SHANK1: variants seen among roughly 807,000 people sequenced by gnomAD.
The protein encoded by SHANK1 is SH3 and multiple ankyrin repeat domains 1.
In SHANK1, 35 loss-of-function variants were observed where a neutral mutation model predicts 165.6. The ratio of observed to expected loss-of-function variants is 0.21; its 90% CI spans 0.16 to 0.28. The LOEUF is 0.28. Among genes scored for constraint, SHANK1 ranks in the 10% least tolerant of loss-of-function variants. SHANK1 has a pLI of 1.00. For synonymous variants in SHANK1, 1,428 were observed against 1,384.8 expected (o/e 1.03, Z -0.69); for missense variants, 2,681 against 3,036.4 (o/e 0.88, Z 2.75).
Position 50,667,946 on chromosome 19 carries a change from C to T in SHANK1, c.4014G>A (p.Leu1338=). 7.2e-7 allele frequency: 1 copy of T among 1,391,480 alleles called. No homozygotes were observed. Among genetic ancestry groups the T allele is most frequent in the African/African-American group, 1.5e-5 (1 of 66,072 alleles). The allele number at this position is 1,391,480 out of a possible 1,614,324, so 86.2% of individuals were successfully genotyped here. A position where few individuals can be genotyped will look rare whatever the true frequency, so the allele number is the denominator to read the frequency against. ...AFTSFLPPRP[L]VHPLTGKALD... ...GGGCCTTGCCGGTCAGCGGGTGCACCAGGGGTCGCGGGGGCAGGAAGCTGG... is the reference window on the plus strand; with the variant it reads ...GGGCCTTGCCGGTCAGCGGGTGCACTAGGGGTCGCGGGGGCAGGAAGCTGG... The change falls in exon 23 of 24, where the codon CTG becomes CTA. Residue 1338 remains leucine, a synonymous_variant. Coordinates refer to ENST00000293441, the MANE Select transcript of SHANK1 (RefSeq NM_016148.5). This position sits in a 1 kb window ranked among gnomAD's most constrained non-coding sequence, Gnocchi z 5.7.
rs370586725 is a variant in SHANK1 at position 50,697,795 on chromosome 19, C to T, written c.1861+48G>A. 4.9e-5 allele frequency: 76 copies of T among 1,544,138 alleles called. No individual in the cohort carries two copies. Among genetic ancestry groups the T allele is most frequent in the East Asian group, 1.6e-4 (7 of 44,470 alleles). ...CCCATTAGGAAGGGAAAGGAGTGGACGTGGGAATCCTAGGGTCCATTGAAC... is the reference window on the plus strand; with the variant it reads ...CCCATTAGGAAGGGAAAGGAGTGGATGTGGGAATCCTAGGGTCCATTGAAC... On this transcript the variant is annotated intron_variant, in intron 13 of 23. Coordinates refer to ENST00000293441, the MANE Select transcript of SHANK1 (RefSeq NM_016148.5). The surrounding 1 kb of genome is among the most constrained non-coding windows in gnomAD (Gnocchi z 4.7).
rs377428098 is a variant in SHANK1, at chr19:50,697,127, C to T, written c.1938-5G>A. ...GGGCCAATCCCATCCATTAAGCTTC[C>T]GAAGCAAGTCAGCCAGCAGCCAGGG... On this transcript the variant is annotated splice_polypyrimidine_tract_variant and splice_region_variant and intron_variant, in intron 14 of 23. Transcript: ENST00000293441. This position sits in a 1 kb window ranked among gnomAD's most constrained non-coding sequence, Gnocchi z 4.7. 1.5e-5 allele frequency: 25 copies of T among 1,613,452 alleles called. No individual in the cohort carries two copies. The highest frequency in any genetic ancestry group is 2.7e-5 in the African/African-American group (2 of 74,712).
At position 50,666,180 on chromosome 19, in the gene SHANK1, G is replaced by GC; in HGVS notation, c.5768+11dup. 1 of 1,567,412 alleles carries GC rather than the reference G, an allele frequency of 6.4e-7. No homozygotes were observed. The highest frequency in any genetic ancestry group is 1.2e-5 in the South Asian group (1 of 84,786). On this transcript the variant is annotated intron_variant, in intron 23 of 23. Transcript: ENST00000293441. The stretch of plus-strand genomic sequence containing the variant: ...CTCTGGCCTCCCTTGTTGGCCACCA[G>GC]CCCCCGCTTACCTCTGCCGCTGCAG...
chr19:50,682,792 A>G (rs956527043), intron 21 of SHANK1, among the ~76,000 whole-genome samples: 1 of 152,208 alleles, frequency 6.6e-6, no homozygotes, highest in Non-Finnish European at 1.5e-5. Flanking sequence ...ACTTAGGATA[A>G]TCCTGGGGCT....
chr19:50,704,042 TC>T, intron 10 of SHANK1, 77 bp downstream of exon 10: 2 of 1,436,698 alleles, frequency 1.4e-6, no homozygotes, highest in Non-Finnish European at 9.8e-7. Flanking sequence ...CCAAGTCAGG[TC>T]CCCCAACTCC....
Position 50,666,767 on chromosome 19 carries a change from G to A in SHANK1, c.5193C>T (p.Tyr1731=), listed in dbSNP as rs1257074468. The change falls in exon 23 of 24, where the codon TAC becomes TAT. Residue 1731 remains tyrosine (Y), a synonymous_variant. Transcript: ENST00000293441. Reference sequence around the variant, plus strand: ...TGCCCCCAAAGGCCTGGCCGTCCAGGTAGGCCACATAGGTGTCCAGAAGCT... The same window carrying A: ...TGCCCCCAAAGGCCTGGCCGTCCAGATAGGCCACATAGGTGTCCAGAAGCT... The part of the protein sequence containing the change: ...GPELLDTYVA[Y]LDGQAFGGSS... The A allele has an allele frequency of 6.4e-7, 1 of 1,555,660 alleles. No individual in the cohort carries two copies. Among genetic ancestry groups the A allele is most frequent in the Non-Finnish European group, 8.7e-7 (1 of 1,150,794 alleles).
rs1986438150 is a variant in SHANK1, at chr19:50,688,632, G to C, written c.2172+212C>G. Among the ~76,000 whole-genome samples, 1 of 152,196 alleles carries C rather than the reference G, an allele frequency of 6.6e-6. No homozygotes were observed. The highest frequency in any genetic ancestry group is 1.5e-5 in the Non-Finnish European group (1 of 68,040). On this transcript the variant is annotated intron_variant, in intron 17 of 23. Transcript: ENST00000293441. The surrounding 1 kb of genome is among the most constrained non-coding windows in gnomAD (Gnocchi z 6.7). ...CATCCCCCGGTATTGTGTATGTGTTGGGGACAGCTCTGTGTCACTCTTTTG... is the reference window on the plus strand; with the variant it reads ...CATCCCCCGGTATTGTGTATGTGTTCGGGACAGCTCTGTGTCACTCTTTTG...
intron 8 of SHANK1, among the ~76,000 whole-genome samples, chr19:50,707,809 G>A (rs1207740611): frequency 1.3e-5 from 2 of 152,082 alleles, no homozygotes; most frequent in Non-Finnish European, 2.9e-5. Flanking sequence ...GTGTGCATGT[G>A]AGTCTGTGTA....
rs1986199117 is a variant in SHANK1, at chr19:50,682,091, C to G, written c.2577+4146G>C. ...TTTTTTTTTTAGACGGAGTCTCGCT[C>G]TACTGCCAGGCTGGAGTGCAGTGGC... On this transcript the variant is annotated intron_variant, in intron 21 of 23. Coordinates refer to ENST00000293441, the MANE Select transcript of SHANK1 (RefSeq NM_016148.5). Among the ~76,000 whole-genome samples the G allele has an allele frequency of 2.7e-5, 4 of 149,468 alleles. No individual in the cohort carries two copies. In the Admixed American group the frequency reaches 2.7e-4, roughly 10 times the overall value.
In SHANK1 at chr19:50,667,123, C is replaced by T; in HGVS notation, c.4837G>A (p.Ala1613Thr). ...PPVPPPAVAA[A>T]PPTLDSTASS... Reference sequence around the variant, plus strand: ...GCGGTGGAGTCCAGGGTGGGAGGGGCTGCGGCCACAGCCGGGGGTGGCACA... The same window carrying T: ...GCGGTGGAGTCCAGGGTGGGAGGGGTTGCGGCCACAGCCGGGGGTGGCACA... The change falls in exon 23 of 24, where the codon GCC (alanine) becomes ACC (threonine). Residue 1613 changes from alanine to threonine, a missense_variant. Transcript: ENST00000293441. This position sits in a 1 kb window ranked among gnomAD's most constrained non-coding sequence, Gnocchi z 5.7. The T allele has an allele frequency of 6.4e-7, 1 of 1,554,420 alleles. No homozygotes were observed. Among genetic ancestry groups the T allele is most frequent in the South Asian group, 1.2e-5 (1 of 85,654 alleles).
At position 50,660,814 on chromosome 19, in the gene SHANK1, G is replaced by C. The variant is rs1203205134; in HGVS notation, c.*1151C>G. 6.6e-6 allele frequency among the ~76,000 whole-genome samples: 1 copy of C among 150,514 alleles called. No homozygotes were observed. Among genetic ancestry groups the C allele is most frequent in the Non-Finnish European group, 1.5e-5 (1 of 67,884 alleles). Reference sequence around the variant, plus strand: ...AGGGCAAAGATTTCAAACAGAAAGGGGCAAGGGAGTGGGAGCCTGGCAAAG... The same window carrying C: ...AGGGCAAAGATTTCAAACAGAAAGGCGCAAGGGAGTGGGAGCCTGGCAAAG... On this transcript the variant is annotated 3_prime_UTR_variant, in exon 24 of 24. Transcript: ENST00000293441.
At chr19:50,715,839 T>G in intron 3 of SHANK1, 109 bp from the exon 4 acceptor site, 106 of 1,021,378 alleles carry the variant, frequency 1.0e-4, no homozygotes, top group Middle Eastern at 2.1e-4. Context: ...TTCCCCGGGG[T>G]AGCTCAGGGT....
At position 50,669,210 on chromosome 19, in the gene SHANK1, G is replaced by A; in HGVS notation, c.2750C>T (p.Ser917Leu). 1.9e-6 allele frequency: 3 copies of A among 1,611,134 alleles called. No homozygotes were observed. Among genetic ancestry groups the A allele is most frequent in the South Asian group, 1.1e-5 (1 of 90,626 alleles). Residue 917 changes from serine to leucine, a missense_variant, in exon 23 of 24, where the codon TCG becomes TTG. Ser to Leu is a moderately radical substitution (Grantham distance 145). Around this residue, in one of 10 missense-constraint regions of SHANK1, gnomAD observed 10 missense variants for 28.9 expected, o/e 0.35. Coordinates refer to ENST00000293441, the MANE Select transcript of SHANK1 (RefSeq NM_016148.5). ...KFSRSLSVPG[S>L]EDIPPPPTTS... is the part of the protein sequence containing the mutation. ...GGTGGGTGGCGGGGGAATGTCCTCC[G>A]AACCAGGCACAGACAGGCTGCGGCT...
rs1986768217 is a variant in SHANK1 at position 50,697,161 on chromosome 19, G to A, written c.1938-39C>T. On this transcript the variant is annotated intron_variant, in intron 14 of 23. Transcript: ENST00000293441. The surrounding 1 kb of genome is among the most constrained non-coding windows in gnomAD (Gnocchi z 4.7). ...TCAGCCAGCAGCCAGGGAGGGGAAAGGTGTCAGTGCACCCATCTCCTCACC... is the reference window on the plus strand; with the variant it reads ...TCAGCCAGCAGCCAGGGAGGGGAAAAGTGTCAGTGCACCCATCTCCTCACC... 1 of 1,613,948 alleles carries A rather than the reference G, an allele frequency of 6.2e-7. No homozygotes were observed. Among genetic ancestry groups the A allele is most frequent in the Non-Finnish European group, 8.5e-7 (1 of 1,179,940 alleles).
At chr19:50,701,275 G>A (rs112194764) in intron 12 of SHANK1, among the ~76,000 whole-genome samples, 1 of 148,750 alleles carries the variant, frequency 6.7e-6, no homozygotes, top group Non-Finnish European at 1.5e-5. Flanking sequence ...TCCGCCTCCC[G>A]GGTTCAAGCA....
chr19:50,686,591 C>T lies in SHANK1; in HGVS notation c.2458+153G>A, dbSNP rs1420122448. ...TGCGGGCAGGGAACGGGGCAGCCGT[C>T]GGGAGAGGGCGGGCGGAGGGAGGGG... On this transcript the variant is annotated intron_variant, in intron 20 of 23. Transcript: ENST00000293441. This position sits in a 1 kb window ranked among gnomAD's most constrained non-coding sequence, Gnocchi z 5.7. 1.4e-5 allele frequency among the ~76,000 whole-genome samples: 2 copies of T among 140,650 alleles called. No homozygotes were observed. The highest frequency in any genetic ancestry group is 1.4e-4 in the Admixed American group (2 of 14,300). 92.3% of individuals were successfully genotyped at this position (140,650 alleles called of 152,430 possible).
rs1986322791 is a variant in SHANK1, at chr19:50,686,107, A to G, written c.2577+130T>C. On this transcript the variant is annotated intron_variant, in intron 21 of 23. Coordinates refer to ENST00000293441, the MANE Select transcript of SHANK1 (RefSeq NM_016148.5). The surrounding 1 kb of genome is among the most constrained non-coding windows in gnomAD (Gnocchi z 5.7). ...TTGGGAGAAAGGAGGAAACCCTAGG[A>G]TGTGTGTCGCCCCTCCAGGACCAGC... is the stretch of plus-strand genomic sequence containing the variant. 4.2e-6 allele frequency: 2 copies of G among 479,998 alleles called. No homozygotes were observed. The highest frequency in any genetic ancestry group is 3.7e-5 in the South Asian group (1 of 27,096). The allele number at this position is 479,998 out of a possible 1,614,324, so 29.7% of individuals were successfully genotyped here. A position where few individuals can be genotyped will look rare whatever the true frequency, so the allele number is the denominator to read the frequency against.
chr19:50,675,260 C>A (rs889317318), intron 21 of SHANK1, among the ~76,000 whole-genome samples: 4 of 152,164 alleles, frequency 2.6e-5, no homozygotes, highest in African/African-American at 9.6e-5. Flanking sequence ...ACCAAAAAGA[C>A]AAGTGTAAAT....
rs1985314081 is a variant in SHANK1, at chr19:50,662,725, G to T, written c.5769-43C>A. On this transcript the variant is annotated intron_variant, in intron 23 of 23. Coordinates refer to ENST00000293441, the MANE Select transcript of SHANK1 (RefSeq NM_016148.5). The surrounding 1 kb of genome is among the most constrained non-coding windows in gnomAD (Gnocchi z 7.7). ...GGCAGTGGGGGAGGACAGGGATTTA[G>T]GGGGCAAGGGCAGGGGTGAGAAAGA... 1 of 1,549,748 alleles carries T rather than the reference G, an allele frequency of 6.5e-7. No homozygotes were observed. Among genetic ancestry groups the T allele is most frequent in the East Asian group, 2.4e-5 (1 of 41,210 alleles).
Sources: allele counts gnomAD v4.1 joint callset (sites outside exome capture counted in the v4.1 genomes callset), GRCh38; gene constraint gnomAD v4.1.1; regional missense constraint gnomAD v4.1.1; non-coding constraint Gnocchi (gnomAD v3.1); transcripts MANE v1.5; gene names NCBI Gene and HGNC (gene_info 2026-07-23, HGNC 2026-07-21).